The following HTR4 variants were observed in gnomAD, a reference collection of about 807,000 sequenced individuals.
HTR4 encodes the protein 5-hydroxytryptamine (serotonin) receptor 4, G protein-coupled.
HTR4 carries 16 observed loss-of-function variants against 36.8 expected under a neutral mutation model. The observed-to-expected ratio is 0.43, with a 90% confidence interval of 0.29 to 0.66. The LOEUF (loss-of-function observed/expected upper bound fraction) is 0.66, where lower values mean the gene tolerates loss of function less well. Ranked by LOEUF, HTR4 falls within the 30% of genes least tolerant of loss-of-function variation. The pLI is 0.13. For missense variants in HTR4, 438 were observed against 490.9 expected (o/e 0.89, Z 1.02); for synonymous variants, 189 against 185.1 (o/e 1.02, Z -0.17).
chr5:148,514,010 C>T (rs755376034), intron 5 of HTR4, among the ~76,000 whole-genome samples: 4 of 152,128 alleles, frequency 2.6e-5, no homozygotes, highest in Non-Finnish European at 4.4e-5. Flanking sequence ...TTCATCTTTA[C>T]ATTCTTTTGA....
chr5:148,477,977 A>AT (rs1046053783), downstream of HTR4, among the ~76,000 whole-genome samples: 2 of 151,992 alleles, frequency 1.3e-5, no homozygotes, highest in African/African-American at 4.8e-5. Flanking sequence ...GCCCATCTCT[A>AT]TTTTTTATTC....
At chr5:148,609,877 G>A (rs2127278753) in intron 2 of HTR4, among the ~76,000 whole-genome samples, 1 of 152,202 alleles carries the variant, frequency 6.6e-6, no homozygotes, top group Non-Finnish European at 1.5e-5. Flanking sequence ...ATGAGCCACT[G>A]TGCCCAGCTG....
intron 5 of HTR4, among the ~76,000 whole-genome samples, chr5:148,522,400 G>A (rs1758065323): frequency 6.6e-6 from 1 of 152,150 alleles, no homozygotes; most frequent in Non-Finnish European, 1.5e-5. Context: ...TTATCTACAA[G>A]CTGTGTGACA....
intron 6 of HTR4, among the ~76,000 whole-genome samples, chr5:148,501,678 G>T (rs374199277): frequency 1.3e-5 from 2 of 152,156 alleles, no homozygotes; most frequent in African/African-American, 4.8e-5. Context: ...TCTAGCAGAT[G>T]CAGGTTTCAA....
intron 1 of HTR4, among the ~76,000 whole-genome samples, chr5:148,638,934 C>T (rs944179181): frequency 6.6e-6 from 1 of 152,066 alleles, no homozygotes; most frequent in African/African-American, 2.4e-5. Flanking sequence ...GTAGTTCCAG[C>T]TACCTGGGGG....
chr5:148,550,269 G>GAC lies in HTR4; in HGVS notation c.27-9_27-8dup, dbSNP rs746594975. 3 of 1,613,922 alleles carry GAC rather than the reference G, an allele frequency of 1.9e-6. No homozygotes were observed. Among genetic ancestry groups the GAC allele is most frequent in the Non-Finnish European group, 2.5e-6 (3 of 1,179,902 alleles). On this transcript the variant is annotated splice_polypyrimidine_tract_variant and splice_region_variant and intron_variant, in intron 2 of 6. Coordinates refer to ENST00000377888, the MANE Select transcript of HTR4 (RefSeq NM_000870.7). ...CCCGAAACCCTCCTCAGAACTGAAAGACACACACAAGCACAAAGAATTGAA... is the reference window on the plus strand; with the variant it reads ...CCCGAAACCCTCCTCAGAACTGAAAGACACACACACAAGCACAAAGAATTGAA...
intron 2 of HTR4, among the ~76,000 whole-genome samples, chr5:148,614,059 A>G (rs1752556913): frequency 6.6e-6 from 1 of 151,826 alleles, no homozygotes; most frequent in Non-Finnish European, 1.5e-5. Context: ...AGAACATTCT[A>G]TGCTCATGGG....
At chr5:148,610,839 G>T (rs931411110) in intron 2 of HTR4, among the ~76,000 whole-genome samples, 1 of 145,214 alleles carries the variant, frequency 6.9e-6, no homozygotes, top group African/African-American at 2.6e-5. Context: ...TAAAGGAGCT[G>T]ATGGAGCTGA....
rs1354165733 is a variant in HTR4, at chr5:148,523,282, A to G, written c.418T>C (p.Leu140=). The part of the protein sequence containing the change: ...RNKMTPLRIA[L]MLGGCWVIPT... ...ATGACCCAGCAGCCTCCCAGCATTA[A>G]TGCGATGCGCAGAGGGGTCATCTTG... Residue 140 remains leucine, a synonymous_variant, in exon 5 of 7, where the codon TTA becomes CTA. Transcript: ENST00000377888. 1 of 1,613,520 alleles carries G rather than the reference A, an allele frequency of 6.2e-7. No individual in the cohort carries two copies. The highest frequency in any genetic ancestry group is 8.5e-7 in the Non-Finnish European group (1 of 1,179,702).
intron 2 of HTR4, among the ~76,000 whole-genome samples, chr5:148,605,645 G>A (rs1371094179): frequency 6.6e-6 from 1 of 151,842 alleles, no homozygotes; most frequent in African/African-American, 2.4e-5. Flanking sequence ...AGCGGGCCAG[G>A]GATCCCCTTC....
In HTR4 at chr5:148,467,055, C is replaced by T. The variant is rs907011261; in HGVS notation, c.1077-15783G>A. Reference sequence around the variant, plus strand: ...TTTGAAAATTTAAATATCTGGGTATCTGCATGTCATGCTTCTCTGAAAATT... The same window carrying T: ...TTTGAAAATTTAAATATCTGGGTATTTGCATGTCATGCTTCTCTGAAAATT... On this transcript the variant is annotated intron_variant, in intron 5 of 5. Coordinates refer to the HTR4 transcript ENST00000521530. Among the ~76,000 whole-genome samples the T allele has an allele frequency of 1.3e-5, 2 of 152,108 alleles. 1 individual carries two copies. The highest frequency in any genetic ancestry group is 2.9e-5 in the Non-Finnish European group (2 of 68,030).
chr5:148,624,036 G>C (rs1000680565), intron 2 of HTR4, among the ~76,000 whole-genome samples: 1 of 152,152 alleles, frequency 6.6e-6, no homozygotes, highest in African/African-American at 2.4e-5. Flanking sequence ...CTGACTCAGT[G>C]ACCTAAGGTA....
chr5:148,609,708 G>A (rs1752329572), intron 2 of HTR4, among the ~76,000 whole-genome samples: 1 of 151,850 alleles, frequency 6.6e-6, no homozygotes, highest in African/African-American at 2.4e-5. Flanking sequence ...TGGGACTACA[G>A]GCGCCCACCA....
intron 5 of HTR4, among the ~76,000 whole-genome samples, chr5:148,516,726 T>C (rs948244876): frequency 2.0e-5 from 3 of 152,080 alleles, no homozygotes; most frequent in African/African-American, 7.2e-5. Context: ...TTTTTGGCCA[T>C]TTAGTCTTGC....
At chr5:148,451,137 G>T in exon 6 of HTR4, 2 of 1,611,976 alleles carry the variant, frequency 1.2e-6, no homozygotes, top group Non-Finnish European at 1.7e-6. Flanking sequence ...ACCTGTTCAT[G>T]CAAACATGAA....
Position 148,641,412 on chromosome 5 carries a change from G to A in HTR4, c.-47-4351C>T, listed in dbSNP as rs187643282. Among the ~76,000 whole-genome samples, 253 of 152,178 alleles carry A rather than the reference G, an allele frequency of 1.7e-3. 1 individual carries two copies. Among genetic ancestry groups the A allele is most frequent in the African/African-American group, 5.8e-3 (240 of 41,528 alleles). ...TATACCCTCCATACTAATCCCCTTC[G>A]GAGAAACAGTCCTAGATCATCGGAA... On this transcript the variant is annotated intron_variant, in intron 1 of 6. Coordinates refer to ENST00000377888, the MANE Select transcript of HTR4 (RefSeq NM_000870.7).
chr5:148,653,732 A>G (rs1364059857), intron 1 of HTR4, among the ~76,000 whole-genome samples: 1 of 152,082 alleles, frequency 6.6e-6, no homozygotes, highest in East Asian at 1.9e-4. Flanking sequence ...GCTCTCTCTT[A>G]CACACACGCA....
rs1200168027 is a variant in HTR4, at chr5:148,614,873, C to T, written c.26+22116G>A. ...ACCCCATCAAAAAGTGGGCAAAGGA[C>T]ATGAACAGACACTTCTCAAAAGAAG... On this transcript the variant is annotated intron_variant, in intron 2 of 6. Transcript: ENST00000377888. Among the ~76,000 whole-genome samples the T allele has an allele frequency of 2.0e-5, 3 of 152,124 alleles. 1 individual carries two copies. Among genetic ancestry groups the T allele is most frequent in the Admixed American group, 1.3e-4 (2 of 15,272 alleles).
intron 2 of HTR4, among the ~76,000 whole-genome samples, chr5:148,610,388 A>T (rs1309108500): frequency 1.3e-5 from 2 of 152,194 alleles, no homozygotes; most frequent in Non-Finnish European, 2.9e-5. Flanking sequence ...CGAGCAGCCT[A>T]ACTGGGAGGC....
Sources: allele counts gnomAD v4.1 joint callset (sites outside exome capture counted in the v4.1 genomes callset), GRCh38; gene constraint gnomAD v4.1.1; transcripts MANE v1.5; gene names NCBI Gene and HGNC (gene_info 2026-07-23, HGNC 2026-07-21).